Variants in PLEKHA7 observed in about 807,000 individuals in gnomAD.
The protein encoded by PLEKHA7 is pleckstrin homology domain containing A7.
In PLEKHA7, 104 loss-of-function variants were observed where a neutral mutation model predicts 170.0. The ratio of observed to expected loss-of-function variants is 0.61; its 90% CI spans 0.52 to 0.72. The LOEUF (loss-of-function observed/expected upper bound fraction) is 0.72, where lower values mean the gene tolerates loss of function less well. Ranked by LOEUF, PLEKHA7 falls within the 30% of genes least tolerant of loss-of-function variation. The pLI is 0.00. For synonymous variants in PLEKHA7, 648 were observed against 660.8 expected, an observed-to-expected ratio of 0.98 and a Z score of 0.30; for missense variants, 1,615 against 1,671.7, an observed-to-expected ratio of 0.97 and a Z score of 0.59.
rs1409084178 is a variant in PLEKHA7, at chr11:17,013,884, A to T, written c.221+105T>A. 12 of 1,274,674 alleles carry T rather than the reference A, an allele frequency of 9.4e-6. No homozygotes were observed. The South Asian group carries it at 1.6e-4, about 17-fold the overall frequency. The allele number at this position is 1,274,674 out of a possible 1,614,324, so 79.0% of individuals were successfully genotyped here. On this transcript the variant is annotated intron_variant, in intron 3 of 26. Coordinates refer to ENST00000531066, the MANE Select transcript of PLEKHA7 (RefSeq NM_001329630.2). ...GGCCGCGGCGCAGCGCGCGCCAACG[A>T]GCCCGGGCCGGCGGGAGCAGAGGAA...
intron 4 of PLEKHA7, among the ~76,000 whole-genome samples, chr11:16,863,965 G>A (rs1192997274): frequency 6.6e-6 from 1 of 152,192 alleles, no homozygotes; most frequent in African/African-American, 2.4e-5. Flanking sequence ...AGGAGGCTTG[G>A]CATCTTTCAA....
chr11:16,816,115 TC>T, intron 12 of PLEKHA7, 62 bp downstream of exon 12: 1 of 1,382,546 alleles, frequency 7.2e-7, no homozygotes, highest in South Asian at 1.2e-5. Flanking sequence ...TTGTACTAAC[TC>T]AGAGGAAGGA....
chr11:16,846,637 C>T (rs1199332640), intron 8 of PLEKHA7, among the ~76,000 whole-genome samples: 11 of 152,210 alleles, frequency 7.2e-5, no homozygotes, highest in African/African-American at 2.7e-4. Context: ...GTTGATGTTA[C>T]TGAAGGAGCA....
intron 3 of PLEKHA7, among the ~76,000 whole-genome samples, chr11:17,003,346 T>G (rs2137059524): frequency 6.6e-6 from 1 of 152,266 alleles, no homozygotes; most frequent in East Asian, 1.9e-4. Flanking sequence ...GTTCTACAGT[T>G]TGCATGCCCC....
rs1441050012 is a variant in PLEKHA7, at chr11:16,795,916, C to T, written c.2410-898G>A. Reference sequence around the variant, plus strand: ...TGTTGCCCAGGCTAGAGTACAATGGCGCCATCTCGGCTCACTGCAACCTCC... The same window carrying T: ...TGTTGCCCAGGCTAGAGTACAATGGTGCCATCTCGGCTCACTGCAACCTCC... On this transcript the variant is annotated intron_variant, in intron 17 of 26. Transcript: ENST00000531066. Among the ~76,000 whole-genome samples, 7 of 121,544 alleles carry T rather than the reference C, an allele frequency of 5.8e-5. No homozygotes were observed. In the East Asian group the frequency reaches 1.9e-3, roughly 34 times the overall value. 79.7% of individuals were successfully genotyped at this position (121,544 alleles called of 152,430 possible).
In PLEKHA7 at chr11:16,924,252, G is replaced by A. The variant is rs1859315404; in HGVS notation, c.222-53070C>T. Among the ~76,000 whole-genome samples the A allele has an allele frequency of 2.6e-5, 4 of 152,176 alleles. No individual in the cohort carries two copies. In the South Asian group the frequency reaches 8.3e-4, roughly 32 times the overall value. On this transcript the variant is annotated intron_variant, in intron 3 of 26. Transcript: ENST00000531066. ...ACTCCACCTTCTCTATTTCCCACCT[G>A]GACCTTTCTGCTCCCCTCCTACTGA... is the stretch of plus-strand genomic sequence containing the variant.
chr11:16,792,866 T>A (rs934402380), intron 19 of PLEKHA7, among the ~76,000 whole-genome samples: 1 of 152,206 alleles, frequency 6.6e-6, no homozygotes, highest in African/African-American at 2.4e-5. Flanking sequence ...CTCAAACTCC[T>A]GGGCTCAAAT....
chr11:16,918,111 A>G (rs997191952), intron 3 of PLEKHA7, among the ~76,000 whole-genome samples: 1 of 152,330 alleles, frequency 6.6e-6, no homozygotes, highest in East Asian at 1.9e-4. Flanking sequence ...AGATGACTCA[A>G]TCTCAAGAGT....
chr11:16,858,234 G>GCTT (rs34311981), intron 4 of PLEKHA7, among the ~76,000 whole-genome samples: 31,107 of 152,056 alleles, frequency 0.2, 3,861 homozygotes, highest in African/African-American at 0.35. Flanking sequence ...GAAAAAGGGT[G>GCTT]TTTTGTTTAC....
intron 4 of PLEKHA7, among the ~76,000 whole-genome samples, chr11:16,867,673 A>G (rs1854500487): frequency 6.6e-6 from 1 of 152,078 alleles, no homozygotes; most frequent in Non-Finnish European, 1.5e-5. Context: ...TTCATTTAGG[A>G]GGAAGCAATT....
In PLEKHA7 at chr11:16,936,073, G is replaced by A. The variant is rs79067969; in HGVS notation, c.222-64891C>T. On this transcript the variant is annotated intron_variant, in intron 3 of 26. Coordinates refer to ENST00000531066, the MANE Select transcript of PLEKHA7 (RefSeq NM_001329630.2). ...TCCCATTTGCCAACCTTGCTGAATA[G>A]AGAAAGTTTAATATGATAATGAACC... Among the ~76,000 whole-genome samples, 550 of 152,284 alleles carry A rather than the reference G, an allele frequency of 3.6e-3. 1 individual carries two copies. The highest frequency in any genetic ancestry group is 0.013 in the African/African-American group (536 of 41,554).
At chr11:16,885,663 TG>T (rs1457610899) in intron 3 of PLEKHA7, among the ~76,000 whole-genome samples, 1 of 151,230 alleles carries the variant, frequency 6.6e-6, no homozygotes, top group East Asian at 1.9e-4. Context: ...ATTCCAACAG[TG>T]GACTCACTCT....
At chr11:16,850,752 A>C (rs1174723019) in intron 8 of PLEKHA7, among the ~76,000 whole-genome samples, 1 of 152,254 alleles carries the variant, frequency 6.6e-6, no homozygotes, top group Non-Finnish European at 1.5e-5. Flanking sequence ...TCAACAAGAT[A>C]AACAAAGTGG....
chr11:16,785,388 A>T (rs1017224520), intron 24 of PLEKHA7, among the ~76,000 whole-genome samples: 18 of 152,202 alleles, frequency 1.2e-4, no homozygotes, highest in African/African-American at 3.9e-4. Context: ...TGGTACATTT[A>T]TGGGTCACTG....
At chr11:16,841,068 G>A (rs1432416633) in intron 9 of PLEKHA7, among the ~76,000 whole-genome samples, 3 of 152,062 alleles carry the variant, frequency 2.0e-5, no homozygotes, top group Admixed American at 6.6e-5. Flanking sequence ...CTGAGCCCTC[G>A]ACTCCACTCA....
At chr11:16,883,982 T>G (rs1212960506) in intron 3 of PLEKHA7, among the ~76,000 whole-genome samples, 1 of 125,038 alleles carries the variant, frequency 8.0e-6, no homozygotes, top group Non-Finnish European at 1.9e-5. Flanking sequence ...TTTATGAACT[T>G]AAAATTTTAT....
intron 3 of PLEKHA7, among the ~76,000 whole-genome samples, chr11:16,948,630 A>G (rs1390970478): frequency 4.3e-5 from 5 of 115,784 alleles, no homozygotes; most frequent in African/African-American, 9.9e-5. Context: ...ACATGTGCAC[A>G]CACACAGAGT....
intron 13 of PLEKHA7, among the ~76,000 whole-genome samples, chr11:16,809,194 C>T (rs936126972): frequency 1.3e-5 from 2 of 152,122 alleles, no homozygotes; most frequent in South Asian, 2.1e-4. Context: ...CAGAGTGTCC[C>T]GTTGTATGAT....
At chr11:16,812,081 G>C (rs1441666708) in intron 13 of PLEKHA7, among the ~76,000 whole-genome samples, 2 of 152,174 alleles carry the variant, frequency 1.3e-5, no homozygotes, top group Non-Finnish European at 2.9e-5. Flanking sequence ...ACCAACCCAA[G>C]ACTATCTGGA....
Sources: allele counts gnomAD v4.1 joint callset (sites outside exome capture counted in the v4.1 genomes callset), GRCh38; gene constraint gnomAD v4.1.1; transcripts MANE v1.5; gene names NCBI Gene and HGNC (gene_info 2026-07-23, HGNC 2026-07-21).